ZNF143: variants seen among roughly 807,000 people sequenced by gnomAD.
The protein encoded by ZNF143 is SPH-binding factor.
A neutral mutation model predicts 74.1 loss-of-function variants in ZNF143; 49 were observed. That is an observed-to-expected ratio of 0.66 (90% CI 0.53 to 0.84). ZNF143 has a LOEUF of 0.84. ZNF143 is among the 40% of genes least tolerant of loss of function. The probability of loss-of-function intolerance (pLI) is 0.00; values close to 1 mark genes in which losing one functional copy is unlikely to be tolerated. For synonymous variants in ZNF143, 304 were observed against 282.8 expected (o/e 1.07, Z -0.75); for missense variants, 637 against 793.4 (o/e 0.80, Z 2.37).
At chr11:9,510,555 G>A (rs939315118) in intron 12 of ZNF143, among the ~76,000 whole-genome samples, 1 of 152,178 alleles carries the variant, frequency 6.6e-6, no homozygotes, top group African/African-American at 2.4e-5. Context: ...GATCCACTGG[G>A]TTTTGTAACC....
At chr11:9,496,038 C>A (rs147919783) in intron 8 of ZNF143, among the ~76,000 whole-genome samples, 1 of 152,184 alleles carries the variant, frequency 6.6e-6, no homozygotes. Context: ...ATGTTTCATG[C>A]AGACACCTTT....
intron 13 of ZNF143, among the ~76,000 whole-genome samples, chr11:9,515,090 T>G (rs1257127386): frequency 6.6e-6 from 1 of 151,964 alleles, no homozygotes; most frequent in African/African-American, 2.4e-5. Context: ...ATCATGCCAT[T>G]GCACTCCAGC....
chr11:9,481,626 G>A (rs1847242234), intron 7 of ZNF143, among the ~76,000 whole-genome samples: 2 of 152,080 alleles, frequency 1.3e-5, no homozygotes, highest in South Asian at 2.1e-4. Context: ...AGTGACTCAC[G>A]CCTGTAATCC....
At position 9,497,812 on chromosome 11, in the gene ZNF143, A is replaced by AACAGAGTG. The variant is rs1783095663; in HGVS notation, c.967+13_967+20dup. On this transcript the variant is annotated intron_variant, in intron 10 of 15. Transcript: ENST00000396602. ...CAGAACTCATACAGGTACTAGTGGA[A>AACAGAGTG]ACAGAGTGTCAAAATCTTTTTTTTT... 6.4e-7 allele frequency: 1 copy of AACAGAGTG among 1,570,646 alleles called. No homozygotes were observed. Among genetic ancestry groups the AACAGAGTG allele is most frequent in the Non-Finnish European group, 8.6e-7 (1 of 1,165,558 alleles).
At chr11:9,483,715 A>T (rs2133953528) in intron 7 of ZNF143, among the ~76,000 whole-genome samples, 1 of 146,862 alleles carries the variant, frequency 6.8e-6, no homozygotes, top group Admixed American at 6.8e-5. Context: ...AAGTCCTGGG[A>T]TTATAGGTGT....
At chr11:9,483,781 C>T (rs1397056369) in intron 7 of ZNF143, among the ~76,000 whole-genome samples, 2 of 141,850 alleles carry the variant, frequency 1.4e-5, no homozygotes, top group East Asian at 2.1e-4. Context: ...GATGGAGTCT[C>T]ACTCTGTCAC....
chr11:9,501,617 G>A (rs1254734299), intron 11 of ZNF143, among the ~76,000 whole-genome samples: 1 of 152,108 alleles, frequency 6.6e-6, no homozygotes, highest in African/African-American at 2.4e-5. Context: ...TGCAGGAATG[G>A]GAGAAGCATT....
chr11:9,461,639 A>G (rs899817431), intron 1 of ZNF143: 3 of 151,078 alleles, frequency 2.0e-5, no homozygotes, highest in Non-Finnish European at 4.4e-5. Context: ...CCTTTCTTCT[A>G]TTAAAAAAAA....
rs1234938646 is a variant in ZNF143, at chr11:9,525,617, C to A, written c.1833+231C>A. 7 of 549,090 alleles carry A rather than the reference C, an allele frequency of 1.3e-5. No homozygotes were observed. The East Asian group carries it at 1.4e-4, about 11-fold the overall frequency. The allele number at this position is 549,090 out of a possible 1,614,324, so 34.0% of individuals were successfully genotyped here. On this transcript the variant is annotated intron_variant, in intron 15 of 15. Transcript: ENST00000396602. Reference sequence around the variant, plus strand: ...GGGGAATTTATAGCAAGAAAAAAAACCTTCAGGTATATATCCCTGTGTGCA... The same window carrying A: ...GGGGAATTTATAGCAAGAAAAAAAAACTTCAGGTATATATCCCTGTGTGCA...
intron 7 of ZNF143, among the ~76,000 whole-genome samples, chr11:9,484,799 G>GTTTTTTTTTTTTTTTTTT (rs1316309780): frequency 3.7e-4 from 9 of 24,236 alleles, no homozygotes; most frequent in African/African-American, 5.8e-4. Flanking sequence ...CCTGGCCAAA[G>GTTTTTTTTTTTTTTTTTT]ATTTTTTTTT....
At chr11:9,463,780 A>G (rs147730935) in intron 1 of ZNF143, 1 of 151,150 alleles carries the variant, frequency 6.6e-6, no homozygotes, top group East Asian at 2.0e-4. Context: ...GAAACGTGGC[A>G]TGGCTGCATT....
At chr11:9,469,110 G>A (rs1415802674) in intron 1 of ZNF143, among the ~76,000 whole-genome samples, 2 of 150,486 alleles carry the variant, frequency 1.3e-5, no homozygotes, top group South Asian at 2.1e-4. Context: ...CTCTAGCCTC[G>A]GCTACAGTGA....
chr11:9,517,850 A>G (rs1848776610), intron 14 of ZNF143, among the ~76,000 whole-genome samples: 1 of 152,198 alleles, frequency 6.6e-6, no homozygotes, highest in South Asian at 2.1e-4. Context: ...TGTATTCAAA[A>G]TGTACTAACA....
At chr11:9,478,097 A>G (rs113259585) in intron 5 of ZNF143, among the ~76,000 whole-genome samples, 1,576 of 152,330 alleles carry the variant, frequency 0.01, 38 homozygotes, top group African/African-American at 0.036. Flanking sequence ...GAGTCCTGGG[A>G]TTATAGGCTT....
At position 9,483,288 on chromosome 11, in the gene ZNF143, C is replaced by CTTTTTTTT. The variant is rs58704619; in HGVS notation, c.645+3761_645+3768dup. On this transcript the variant is annotated intron_variant, in intron 7 of 15. Coordinates refer to ENST00000396602, the MANE Select transcript of ZNF143 (RefSeq NM_003442.6). The stretch of plus-strand genomic sequence containing the variant: ...GGATTACAGGTGTGAGCCAACATGC[C>CTTTTTTTT]TTTTTTTTTTTTTTTTTTTTTTTTT... 1.5e-3 allele frequency among the ~76,000 whole-genome samples: 76 copies of CTTTTTTTT among 50,208 alleles called. 20 individuals are homozygous for CTTTTTTTT. Among genetic ancestry groups the CTTTTTTTT allele is most frequent in the Non-Finnish European group, 2.2e-3 (63 of 28,066 alleles). 32.9% of individuals were successfully genotyped at this position (50,208 alleles called of 152,430 possible).
rs1396793887 is a variant in ZNF143 at position 9,478,432 on chromosome 11, A to G, written c.416A>G (p.Asp139Gly). Residue 139 changes from aspartate (D) to glycine (G), a missense_variant, in exon 6 of 16, where the codon GAT (aspartate) becomes GGT (glycine). This residue lies in a region of ZNF143 where 293 missense variants were observed against 307.8 expected (regional missense o/e 0.95). Transcript: ENST00000396602. ...GCATTACAGGCGGTTCAGCTGGAAG[A>G]TGGTACCACAGCTTATATCCACCAT... The part of the protein sequence containing the change: ...QSALQAVQLE[D>G]GTTAYIHHAV... The G allele has an allele frequency of 1.2e-6, 2 of 1,614,158 alleles. No homozygotes were observed. The highest frequency in any genetic ancestry group is 1.7e-6 in the Non-Finnish European group (2 of 1,180,018).
chr11:9,481,413 G>C (rs1418747633), intron 7 of ZNF143, among the ~76,000 whole-genome samples: 1 of 151,948 alleles, frequency 6.6e-6, no homozygotes, highest in Non-Finnish European at 1.5e-5. Flanking sequence ...TGAGACTTCA[G>C]TATTTTTTAT....
At chr11:9,493,261 G>A (rs1847847183) in intron 7 of ZNF143, among the ~76,000 whole-genome samples, 1 of 151,854 alleles carries the variant, frequency 6.6e-6, no homozygotes, top group African/African-American at 2.4e-5. Context: ...TAGTAGAGAT[G>A]AGGTTTCACC....
chr11:9,473,685 G>T, intron 3 of ZNF143: 1 of 1,085,022 alleles, frequency 9.2e-7, no homozygotes, highest in Middle Eastern at 2.1e-4. Flanking sequence ...CATGTAGCCT[G>T]CTGTGATGAG....
Sources: gnomAD v4.1 joint callset for allele counts (sites outside exome capture counted in the v4.1 genomes callset) on GRCh38, gnomAD v4.1.1 for gene constraint, gnomAD v4.1.1 regional missense constraint, MANE v1.5 for transcripts, NCBI Gene and HGNC (gene_info 2026-07-23, HGNC 2026-07-21) for gene names.